The following DMD variants were observed in gnomAD, a reference collection of about 807,000 sequenced individuals.
The protein encoded by DMD is dystrophin.
A neutral mutation model predicts 330.1 loss-of-function variants in DMD; 63 were observed. That is an observed-to-expected ratio of 0.19 (90% CI 0.16 to 0.24). The LOEUF (loss-of-function observed/expected upper bound fraction) is 0.24, where lower values mean the gene tolerates loss of function less well. Ranked by LOEUF, DMD falls within the 10% of genes least tolerant of loss-of-function variation. DMD has a pLI of 1.00. For synonymous variants in DMD, 1,223 were observed against 959.8 expected, an observed-to-expected ratio of 1.27 and a Z score of -5.07; for missense variants, 3,344 against 2,684.1, an observed-to-expected ratio of 1.25 and a Z score of -5.43.
At chrX:32,655,468 A>G (rs755496732) in intron 9 of DMD, among the ~76,000 whole-genome samples, 2 of 112,127 alleles carry the variant, frequency 1.8e-5, no homozygotes, top group Non-Finnish European at 3.8e-5. Context: ...TTCTTAATCC[A>G]GAGTTCTAGT....
chrX:32,658,823 C>T lies in DMD; in HGVS notation c.961-13671G>A, dbSNP rs764261373. Reference sequence around the variant, plus strand: ...TGGCCGCATTCGGGAAACTTTAAGTCGGCCTCACTTTGGAGTAAAATAAAC... The same window carrying T: ...TGGCCGCATTCGGGAAACTTTAAGTTGGCCTCACTTTGGAGTAAAATAAAC... On this transcript the variant is annotated intron_variant, in intron 9 of 78. Transcript: ENST00000357033. 2.7e-4 allele frequency among the ~76,000 whole-genome samples: 30 copies of T among 111,694 alleles called. No individual in the cohort carries two copies. In the South Asian group the frequency reaches 0.01, roughly 39 times the overall value.
intron 18 of DMD, among the ~76,000 whole-genome samples, chrX:32,514,508 G>C (rs1037654690): frequency 1.8e-5 from 2 of 111,849 alleles, no homozygotes; most frequent in Admixed American, 1.9e-4. Context: ...TTGGGAGGCC[G>C]AGGCGGGCGG....
At chrX:33,318,593 A>G (rs1490942917) in intron 1 of DMD, among the ~76,000 whole-genome samples, 2 of 107,855 alleles carry the variant, frequency 1.9e-5, no homozygotes, top group Non-Finnish European at 3.8e-5. Flanking sequence ...CACCATGCCC[A>G]GCAAAATTTT....
chrX:32,330,677 A>G (rs1297881619), intron 41 of DMD, among the ~76,000 whole-genome samples: 1 of 111,721 alleles, frequency 9.0e-6, no homozygotes, highest in Non-Finnish European at 1.9e-5. Context: ...TATTTATCAA[A>G]TATCACGTCT....
intron 1 of DMD, among the ~76,000 whole-genome samples, chrX:33,050,003 A>G (rs1469402499): frequency 8.9e-6 from 1 of 112,060 alleles, no homozygotes; most frequent in African/African-American, 3.2e-5. Flanking sequence ...TAGAAATATT[A>G]AAACGTGTAT....
upstream of DMD, among the ~76,000 whole-genome samples, chrX:33,213,287 T>C (rs1225575062): frequency 1.8e-5 from 2 of 111,953 alleles, no homozygotes; most frequent in African/African-American, 6.5e-5. Context: ...TGCCCTGAGA[T>C]ACATTTAATT....
intron 44 of DMD, among the ~76,000 whole-genome samples, chrX:32,085,622 A>AAATCTC (rs2096429265): frequency 1.1e-5 from 1 of 88,268 alleles, no homozygotes; most frequent in African/African-American, 4.3e-5. Flanking sequence ...ATATACGTAT[A>AAATCTC]TATATACACA....
At chrX:32,630,345 C>G (rs5928055) in intron 11 of DMD, among the ~76,000 whole-genome samples, 1 of 109,515 alleles carries the variant, frequency 9.1e-6, no homozygotes, top group Non-Finnish European at 1.9e-5. Flanking sequence ...ATATGATTAC[C>G]GCTTTTAAGA....
intron 2 of DMD, among the ~76,000 whole-genome samples, chrX:32,874,363 G>A (rs1215304526): frequency 8.9e-6 from 1 of 111,856 alleles, no homozygotes; most frequent in Non-Finnish European, 1.9e-5. Context: ...CGGTCAGCAT[G>A]AGCCTTGAAC....
At chrX:32,330,498 T>A (rs1485518554) in intron 41 of DMD, among the ~76,000 whole-genome samples, 1 of 112,042 alleles carries the variant, frequency 8.9e-6, no homozygotes, top group African/African-American at 3.2e-5. Flanking sequence ...CAGAAGGATA[T>A]TTCCAACCCC....
intron 5 of DMD, among the ~76,000 whole-genome samples, chrX:32,819,027 C>T (rs867661179): frequency 0.025 from 635 of 25,592 alleles, 3 homozygotes; most frequent in African/African-American, 0.12. Context: ...TTTTTTTTTT[C>T]CAGGGCATGG....
chrX:32,152,800 C>T (rs2096811549), intron 44 of DMD, among the ~76,000 whole-genome samples: 2 of 111,494 alleles, frequency 1.8e-5, no homozygotes, highest in South Asian at 7.4e-4. Context: ...GTCCTATTTC[C>T]AATGACTCTG....
intron 44 of DMD, among the ~76,000 whole-genome samples, chrX:32,073,006 G>T (rs763470330): frequency 3.3e-4 from 37 of 112,132 alleles, no homozygotes; most frequent in Non-Finnish European, 5.8e-4. Context: ...AAAGGAGAGG[G>T]TTGGAAATAA....
intron 62 of DMD, among the ~76,000 whole-genome samples, chrX:31,296,193 G>A (rs1603311869): frequency 9.0e-6 from 1 of 110,777 alleles, no homozygotes; most frequent in East Asian, 2.8e-4. Context: ...TTGTTGATCT[G>A]GAGTGGTTTC....
chrX:31,466,800 A>G (rs2066889931), intron 59 of DMD, among the ~76,000 whole-genome samples: 1 of 111,612 alleles, frequency 9.0e-6, no homozygotes, highest in Admixed American at 9.5e-5. Context: ...TGAGCATGGA[A>G]TGTTCTTCCA....
Position 31,896,908 on chromosome X carries a change from G to T in DMD, c.6913-21535C>A, listed in dbSNP as rs186483955. Among the ~76,000 whole-genome samples the T allele has an allele frequency of 2.6e-4, 29 of 109,981 alleles. No individual in the cohort carries two copies. In the East Asian group the frequency reaches 7.5e-3, roughly 28 times the overall value. On this transcript the variant is annotated intron_variant, in intron 47 of 78. Coordinates refer to ENST00000357033, the MANE Select transcript of DMD (RefSeq NM_004006.3). Reference sequence around the variant, plus strand: ...TAGAACAACATTTTACAATTTCTTTGCTTTTTTCTTTTTTTTTTCTTTTAT... The same window carrying T: ...TAGAACAACATTTTACAATTTCTTTTCTTTTTTCTTTTTTTTTTCTTTTAT...
At chrX:33,176,805 G>A (rs1330727087) in intron 1 of DMD, among the ~76,000 whole-genome samples, 1 of 110,391 alleles carries the variant, frequency 9.1e-6, no homozygotes, top group Admixed American at 9.7e-5. Context: ...TCATGGTGGC[G>A]CTCCACTTGT....
chrX:32,537,584 C>T (rs1280726380), intron 17 of DMD, among the ~76,000 whole-genome samples: 2 of 111,292 alleles, frequency 1.8e-5, no homozygotes, highest in Non-Finnish European at 3.8e-5. Flanking sequence ...ACCTTTGGAG[C>T]TGGCAATTAA....
intron 12 of DMD, among the ~76,000 whole-genome samples, chrX:32,603,519 G>A (rs755252318): frequency 9.1e-6 from 1 of 110,337 alleles, no homozygotes; most frequent in Non-Finnish European, 1.9e-5. Flanking sequence ...GATCAGAGCA[G>A]AACTAAATGA....
Sources: allele counts gnomAD v4.1 joint callset (sites outside exome capture counted in the v4.1 genomes callset), GRCh38; gene constraint gnomAD v4.1.1; transcripts MANE v1.5; gene names NCBI Gene and HGNC (gene_info 2026-07-23, HGNC 2026-07-21).